Variants in GSE1 observed in about 807,000 individuals in gnomAD.
GSE1 encodes the protein genetic suppressor element 1.
Under a neutral mutation model 112.6 loss-of-function variants are expected in GSE1, and 32 were observed. That is an observed-to-expected ratio of 0.28 (90% CI 0.21 to 0.38). The LOEUF (loss-of-function observed/expected upper bound fraction) is 0.38, where lower values mean the gene tolerates loss of function less well. GSE1 is among the 10% of genes least tolerant of loss of function. The probability of loss-of-function intolerance (pLI) is 1.00; values close to 1 mark genes in which losing one functional copy is unlikely to be tolerated. For missense variants in GSE1, 2,348 were observed against 1,699.2 expected, an observed-to-expected ratio of 1.38 and a Z score of -6.71; for synonymous variants, 1,115 against 735.6, an observed-to-expected ratio of 1.52 and a Z score of -8.35.
Position 85,311,329 on chromosome 16 carries a change from A to G in GSE1, c.2284-46134A>G, listed in dbSNP as rs150502814. The stretch of plus-strand genomic sequence containing the variant: ...CCCTGGACAGGGTGGGCGTCGTTAG[A>G]GCAGAAACGGTGGTGGCAGGACCCA... On this transcript the variant is annotated intron_variant, in intron 1 of 2. Transcript: ENST00000637419. The surrounding 1 kb of genome is among the most constrained non-coding windows in gnomAD (Gnocchi z 4.2). Among the ~76,000 whole-genome samples, 665 of 152,300 alleles carry G rather than the reference A, an allele frequency of 4.4e-3. 11 individuals carry two copies. Among genetic ancestry groups the G allele is most frequent in the African/African-American group, 0.015 (637 of 41,558 alleles).
chr16:85,368,943 C>A (rs1004307073), intron 2 of GSE1, among the ~76,000 whole-genome samples: 1 of 152,112 alleles, frequency 6.6e-6, no homozygotes, highest in African/African-American at 2.4e-5. Context: ...GCCCAAGCAG[C>A]TGCTGTGAGT....
chr16:85,655,982 A>G lies in GSE1; in HGVS notation c.989+65A>G, dbSNP rs972116613. ...TGTCCCTTGATGGCAGCTGGGCAGA[A>G]AGCCTGGGCTGGAACCTGACTGGAC... is the stretch of plus-strand genomic sequence containing the variant. On this transcript the variant is annotated intron_variant, in intron 6 of 15. Coordinates refer to ENST00000253458, the MANE Select transcript of GSE1 (RefSeq NM_014615.5). 1.4e-5 allele frequency: 19 copies of G among 1,349,588 alleles called. No individual in the cohort carries two copies. In the African/African-American group the frequency reaches 2.6e-4, roughly 18 times the overall value. 83.6% of individuals were successfully genotyped at this position (1,349,588 alleles called of 1,614,324 possible).
intron 1 of GSE1, among the ~76,000 whole-genome samples, chr16:85,351,738 C>T (rs1326915944): frequency 6.6e-6 from 1 of 152,130 alleles, no homozygotes; most frequent in Non-Finnish European, 1.5e-5. Flanking sequence ...GCCTATAATC[C>T]CAGCACTTTG....
At chr16:85,627,330 C>T (rs1256756326) in intron 1 of GSE1, among the ~76,000 whole-genome samples, 1 of 151,938 alleles carries the variant, frequency 6.6e-6, no homozygotes, top group Non-Finnish European at 1.5e-5. Flanking sequence ...GTTCTCAGCT[C>T]TGCCAGGCAG....
At chr16:85,548,646 G>A (rs572465558) in intron 2 of GSE1, among the ~76,000 whole-genome samples, 13 of 152,132 alleles carry the variant, frequency 8.5e-5, no homozygotes, top group East Asian at 1.9e-4. Context: ...TCCTTCGTCC[G>A]TGTTGGACAC....
At chr16:85,447,576 C>T (rs1021883608) in intron 2 of GSE1, among the ~76,000 whole-genome samples, 2 of 152,224 alleles carry the variant, frequency 1.3e-5, no homozygotes, top group Non-Finnish European at 1.5e-5. Context: ...ATGGGCCAGG[C>T]GCCTGCTCCG....
At chr16:85,549,458 A>G (rs1226547858) in intron 2 of GSE1, among the ~76,000 whole-genome samples, 3 of 152,208 alleles carry the variant, frequency 2.0e-5, no homozygotes, top group African/African-American at 7.2e-5. Context: ...GATTATGGGT[A>G]TAAGCCACTG....
chr16:85,627,043 CCT>C (rs1491302934), intron 1 of GSE1, among the ~76,000 whole-genome samples: 1 of 28,670 alleles, frequency 3.5e-5, no homozygotes, highest in Non-Finnish European at 6.1e-5. Flanking sequence ...TTTCTTCTTG[CCT>C]TTTTTTTTTT....
At chr16:85,478,851 CTTTCTT>C (rs1463137656) in intron 2 of GSE1, among the ~76,000 whole-genome samples, 8 of 10,730 alleles carry the variant, frequency 7.5e-4, no homozygotes, top group Non-Finnish European at 8.5e-4. Context: ...TTCTTTCTTT[CTTTCTT>C]TCTTTCTTTC....
At chr16:85,237,415 C>A (rs1044682981) in intron 1 of GSE1, among the ~76,000 whole-genome samples, 1 of 152,168 alleles carries the variant, frequency 6.6e-6, no homozygotes, top group Non-Finnish European at 1.5e-5. Flanking sequence ...ACGGTGCCCG[C>A]TGCAGGGGAC....
intron 2 of GSE1, among the ~76,000 whole-genome samples, chr16:85,397,489 C>G (rs375648280): frequency 3.8e-4 from 58 of 152,224 alleles, no homozygotes; most frequent in African/African-American, 1.4e-3. Flanking sequence ...AGGCTTGTCA[C>G]GGTACTAAAT....
chr16:85,475,484 G>A (rs537883614), intron 2 of GSE1, among the ~76,000 whole-genome samples: 4 of 152,268 alleles, frequency 2.6e-5, no homozygotes, highest in Non-Finnish European at 5.9e-5. Context: ...CCATGCCGAG[G>A]TGGAGATGGT....
rs1424726991 is a variant in GSE1 at position 85,656,265 on chromosome 16, T to C, written c.990-78T>C. 4.5e-6 allele frequency: 7 copies of C among 1,552,826 alleles called. No homozygotes were observed. The South Asian group carries it at 6.0e-5, about 13-fold the overall frequency. On this transcript the variant is annotated intron_variant, in intron 6 of 15. Coordinates refer to ENST00000253458, the MANE Select transcript of GSE1 (RefSeq NM_014615.5). Reference sequence around the variant, plus strand: ...TAGCGCCCTGGCTCGTTCCTGGTTATGCTTTTTAAGGGCCTGCCCCAGGTC... The same window carrying C: ...TAGCGCCCTGGCTCGTTCCTGGTTACGCTTTTTAAGGGCCTGCCCCAGGTC...
At chr16:85,410,045 TAATCCTCACTGTTACACTCAGGGCCCCCC>T (rs1567747626) in intron 2 of GSE1, among the ~76,000 whole-genome samples, 38 of 18,688 alleles carry the variant, frequency 2.0e-3, no homozygotes, top group East Asian at 5.8e-3. Context: ...CCCCCCCGGA[TAATCCTCACTGTTACACTCAGGGCCCCCC>T]GGATAATCCT....
At chr16:85,314,106 T>C (rs1038550659) in intron 1 of GSE1, among the ~76,000 whole-genome samples, 1 of 151,032 alleles carries the variant, frequency 6.6e-6, no homozygotes, top group Non-Finnish European at 1.5e-5. Flanking sequence ...CACAGCTCTG[T>C]GTGTGTGTGT....
At chr16:85,534,667 C>T (rs957408635) in intron 2 of GSE1, among the ~76,000 whole-genome samples, 2 of 152,184 alleles carry the variant, frequency 1.3e-5, no homozygotes, top group African/African-American at 2.4e-5. Context: ...CGCTGCTGGT[C>T]GTGCCGCCGT....
At position 85,359,054 on chromosome 16, in the gene GSE1, C is replaced by A. The variant is rs547954861; in HGVS notation, c.2464+1411C>A. On this transcript the variant is annotated intron_variant, in intron 2 of 2. Coordinates refer to the GSE1 transcript ENST00000637419. ...CGAGCGTGTTTGTGACAGGCCTTGGCACCCTCAGTGTTCAGGGTGCAGGCT... is the reference window on the plus strand; with the variant it reads ...CGAGCGTGTTTGTGACAGGCCTTGGAACCCTCAGTGTTCAGGGTGCAGGCT... Among the ~76,000 whole-genome samples the A allele has an allele frequency of 1.1e-4, 16 of 152,270 alleles. No individual in the cohort carries two copies. In the East Asian group the frequency reaches 2.7e-3, roughly 26 times the overall value.
intron 2 of GSE1, among the ~76,000 whole-genome samples, chr16:85,509,986 A>G (rs2051677275): frequency 6.6e-6 from 1 of 152,192 alleles, no homozygotes; most frequent in Non-Finnish European, 1.5e-5. Context: ...TTGGTGACGT[A>G]TGGCTCCCTG....
Position 85,661,153 on chromosome 16 carries a change from C to G in GSE1, c.1648C>G (p.Pro550Ala), listed in dbSNP as rs555277789. 1.3e-6 allele frequency: 2 copies of G among 1,585,716 alleles called. No individual in the cohort carries two copies. The highest frequency in any genetic ancestry group is 2.2e-5 in the South Asian group (2 of 89,098). The part of the protein sequence containing the change: ...HRPESTTRPG[P>A]NRHEPGGRDP... ...GTTGGTTTCACTCCCTAGGCCAGGA[C>G]CAAACCGTCACGAGCCAGGTGGCCG... is the stretch of plus-strand genomic sequence containing the variant. Residue 550 changes from proline (P) to alanine (A), a missense_variant, in exon 9 of 16, where the codon CCA (proline) becomes GCA (alanine). Coordinates refer to ENST00000253458, the MANE Select transcript of GSE1 (RefSeq NM_014615.5).
Sources: gnomAD v4.1 joint callset for allele counts (sites outside exome capture counted in the v4.1 genomes callset) on GRCh38, gnomAD v4.1.1 for gene constraint, Gnocchi (gnomAD v3.1) non-coding constraint, MANE v1.5 for transcripts, NCBI Gene and HGNC (gene_info 2026-07-23, HGNC 2026-07-21) for gene names.